Variants in TMEM39A observed in about 807,000 individuals in gnomAD.
TMEM39A encodes suppressor of SQST-1 aggregates in rpl-43 mutants.
A neutral mutation model predicts 51.9 loss-of-function variants in TMEM39A; 19 were observed. That is an observed-to-expected ratio of 0.37 (90% CI 0.26 to 0.54). The LOEUF (loss-of-function observed/expected upper bound fraction) is 0.54. TMEM39A is among the 20% of genes least tolerant of loss of function. The pLI, the probability that TMEM39A is intolerant of heterozygous loss-of-function variation, is 0.88. For synonymous variants in TMEM39A, 197 were observed against 220.2 expected, an observed-to-expected ratio of 0.89 and a Z score of 0.93; for missense variants, 433 against 590.5, an observed-to-expected ratio of 0.73 and a Z score of 2.76.
At chr3:119,457,971 T>C in intron 3 of TMEM39A, 47 bp downstream of exon 3, 1 of 1,443,788 alleles carries the variant, frequency 6.9e-7, no homozygotes. Context: ...TCCAGGTAGT[T>C]TCTTGGGTAA....
In TMEM39A at chr3:119,432,038, T is replaced by G. The variant is rs781651711; in HGVS notation, c.1410A>C (p.Ile470=). ...YVLFKLLRDR[I]VLGRAYSYPL... ...GGTAGGAGTATGCCCTGCCTAATAC[T>G]ATTCTGTCCCGGAGAAGTTTAAATA... The change falls in exon 9 of 9, where the codon ATA becomes ATC. Residue 470 remains isoleucine (I), a synonymous_variant. Coordinates refer to ENST00000319172, the MANE Select transcript of TMEM39A (RefSeq NM_018266.3). The G allele has an allele frequency of 1.1e-5, 17 of 1,613,228 alleles. No homozygotes were observed. In the South Asian group the frequency reaches 1.9e-4, roughly 18 times the overall value.
chr3:119,436,710 CA>C (rs1236002087), intron 7 of TMEM39A, 80 bp downstream of exon 7: 1 of 1,421,588 alleles, frequency 7.0e-7, no homozygotes, highest in Admixed American at 2.0e-5. Context: ...AAGCCAAGAA[CA>C]AGAATGACAT....
At position 119,438,118 on chromosome 3, in the gene TMEM39A, G is replaced by A. The variant is rs547038287; in HGVS notation, c.576-15C>T. 25 of 1,563,222 alleles carry A rather than the reference G, an allele frequency of 1.6e-5. No homozygotes were observed. The Admixed American group carries it at 3.7e-4, about 23-fold the overall frequency. On this transcript the variant is annotated splice_polypyrimidine_tract_variant and intron_variant, in intron 5 of 8. Transcript: ENST00000319172. ...AAACACCAAACCTGTAAAACAAAGT[G>A]TGAAAATGAGACCACAGATACCACC...
intron 3 of TMEM39A, among the ~76,000 whole-genome samples, chr3:119,453,799 C>A (rs1295332270): frequency 6.6e-6 from 1 of 152,172 alleles, no homozygotes; most frequent in Non-Finnish European, 1.5e-5. Context: ...GGCAGCTAAA[C>A]CCATATCTTC....
At chr3:119,462,747 C>A (rs1560023760) in intron 1 of TMEM39A, among the ~76,000 whole-genome samples, 4 of 146,830 alleles carry the variant, frequency 2.7e-5, no homozygotes, top group Non-Finnish European at 3.0e-5. Flanking sequence ...TAAAACTGTT[C>A]GAGTGGTATC....
intron 5 of TMEM39A, among the ~76,000 whole-genome samples, chr3:119,441,692 G>C (rs2081055910): frequency 2.6e-5 from 4 of 152,200 alleles, no homozygotes; most frequent in Admixed American, 2.6e-4. Context: ...CACTGATGAA[G>C]GTGACTAAAC....
Position 119,437,735 on chromosome 3 carries a change from A to G in TMEM39A, c.924+20T>C, listed in dbSNP as rs769904286. 5.3e-6 allele frequency: 8 copies of G among 1,496,196 alleles called. No individual in the cohort carries two copies. In the East Asian group the frequency reaches 1.8e-4, roughly 34 times the overall value. 92.7% of individuals were successfully genotyped at this position (1,496,196 alleles called of 1,614,324 possible). On this transcript the variant is annotated intron_variant, in intron 6 of 8. Coordinates refer to ENST00000319172, the MANE Select transcript of TMEM39A (RefSeq NM_018266.3). The stretch of plus-strand genomic sequence containing the variant: ...CACACACAAATCCAGGAAGCACATA[A>G]AAGTAAGATAACCACTTACCTTCAC...
At chr3:119,452,145 A>C (rs1175273446) in intron 4 of TMEM39A, among the ~76,000 whole-genome samples, 1 of 152,226 alleles carries the variant, frequency 6.6e-6, no homozygotes, top group Admixed American at 6.5e-5. Context: ...CTTCGTATTA[A>C]TAGTTACCTG....
chr3:119,451,964 C>T (rs2081206445), intron 4 of TMEM39A, among the ~76,000 whole-genome samples: 1 of 151,362 alleles, frequency 6.6e-6, no homozygotes, highest in Non-Finnish European at 1.5e-5. Flanking sequence ...AGATTCTAAT[C>T]TTCAGATTAA....
intron 5 of TMEM39A, among the ~76,000 whole-genome samples, chr3:119,444,809 C>T (rs973166761): frequency 2.0e-5 from 3 of 152,142 alleles, no homozygotes; most frequent in African/African-American, 7.2e-5. Flanking sequence ...CTAGAAACTA[C>T]ATTTTGAGAA....
Position 119,431,755 on chromosome 3 carries a change from T to A in TMEM39A, c.*226A>T. ...CATACAAACAAATCAATCTCTTTAC[T>A]GGACAGGCATACCTCTCATATGTAT... On this transcript the variant is annotated 3_prime_UTR_variant, in exon 9 of 9. Coordinates refer to ENST00000319172, the MANE Select transcript of TMEM39A (RefSeq NM_018266.3). The A allele has an allele frequency of 2.9e-6, 1 of 343,432 alleles. No homozygotes were observed. Among genetic ancestry groups the A allele is most frequent in the Non-Finnish European group, 5.3e-6 (1 of 190,326 alleles). The allele number at this position is 343,432 out of a possible 1,614,324, so 21.3% of individuals were successfully genotyped here.
chr3:119,434,625 T>G (rs2080944677), intron 8 of TMEM39A, 137 bp downstream of exon 8: 2 of 1,299,292 alleles, frequency 1.5e-6, no homozygotes, highest in Admixed American at 4.4e-5. Flanking sequence ...CAGGGACCAC[T>G]GTTACGCTAG....
In TMEM39A at chr3:119,429,152, G is replaced by T. The variant is rs1239845613; in HGVS notation, c.*2829C>A. Among the ~76,000 whole-genome samples, 1 of 151,636 alleles carries T rather than the reference G, an allele frequency of 6.6e-6. No homozygotes were observed. Among genetic ancestry groups the T allele is most frequent in the Non-Finnish European group, 1.5e-5 (1 of 67,890 alleles). On this transcript the variant is annotated 3_prime_UTR_variant, in exon 9 of 9. Coordinates refer to ENST00000319172, the MANE Select transcript of TMEM39A (RefSeq NM_018266.3). ...ACCCAGCAGTGTTTGGCATATAATT[G>T]CCCAGTACATAGAAATGAGATGCCT...
At chr3:119,452,920 T>C (rs753781700) in intron 3 of TMEM39A, among the ~76,000 whole-genome samples, 5 of 152,186 alleles carry the variant, frequency 3.3e-5, no homozygotes, top group Admixed American at 6.5e-5. Flanking sequence ...GAAGTTACTG[T>C]TGTTGGTCTC....
At chr3:119,433,360 T>G (rs921534871) in intron 8 of TMEM39A, among the ~76,000 whole-genome samples, 1 of 152,164 alleles carries the variant, frequency 6.6e-6, no homozygotes, top group African/African-American at 2.4e-5. Context: ...AGATTCTGGT[T>G]CAGAAGTCTG....
intron 3 of TMEM39A, among the ~76,000 whole-genome samples, chr3:119,457,045 A>G (rs1160141507): frequency 2.7e-5 from 4 of 148,010 alleles, no homozygotes; most frequent in Non-Finnish European, 5.9e-5. Flanking sequence ...ATTTCGGCTC[A>G]CTGCAAGCTC....
chr3:119,435,849 T>C (rs1011202669), intron 7 of TMEM39A: 26 of 1,289,360 alleles, frequency 2.0e-5, no homozygotes, highest in Non-Finnish European at 2.2e-5. Flanking sequence ...TCAATTTTTA[T>C]TGAAATCTGT....
At chr3:119,443,775 G>C (rs927850576) in intron 5 of TMEM39A, among the ~76,000 whole-genome samples, 1 of 151,980 alleles carries the variant, frequency 6.6e-6, no homozygotes, top group Non-Finnish European at 1.5e-5. Flanking sequence ...AAATTAGCCA[G>C]GCATGGTGGC....
intron 5 of TMEM39A, among the ~76,000 whole-genome samples, chr3:119,440,278 A>G (rs1381010747): frequency 6.6e-6 from 1 of 152,136 alleles, no homozygotes; most frequent in Non-Finnish European, 1.5e-5. Context: ...CATGGCCCTC[A>G]TTCTATGGGT....
Sources: allele counts gnomAD v4.1 joint callset (sites outside exome capture counted in the v4.1 genomes callset), GRCh38; gene constraint gnomAD v4.1.1; transcripts MANE v1.5; gene names NCBI Gene and HGNC (gene_info 2026-07-23, HGNC 2026-07-21).